GTF2IRD1: variants seen among roughly 807,000 people sequenced by gnomAD.
GTF2IRD1 encodes the protein general transcription factor II-I repeat domain-containing protein 1.
Under a neutral mutation model 113.2 loss-of-function variants are expected in GTF2IRD1, and 26 were observed. The observed-to-expected ratio is 0.23, with a 90% CI of 0.17 to 0.32. The LOEUF (loss-of-function observed/expected upper bound fraction) is 0.32, where lower values mean the gene tolerates loss of function less well. GTF2IRD1 is among the 10% of genes least tolerant of loss of function. The probability of loss-of-function intolerance (pLI) is 1.00; values close to 1 mark genes in which losing one functional copy is unlikely to be tolerated. For missense variants in GTF2IRD1, 864 were observed against 1,280.8 expected, an observed-to-expected ratio of 0.67 and a Z score of 4.97; for synonymous variants, 484 against 529.1, an observed-to-expected ratio of 0.91 and a Z score of 1.17.
intron 22 of GTF2IRD1, chr7:74,572,476 G>A (rs1800752370): frequency 6.2e-6 from 3 of 485,826 alleles, no homozygotes; most frequent in Non-Finnish European, 8.0e-6. Flanking sequence ...GCTTGTCTCT[G>A]ATTTTAGATA....
chr7:74,591,539 G>A (rs1175907540), intron 24 of GTF2IRD1, among the ~76,000 whole-genome samples: 7 of 151,586 alleles, frequency 4.6e-5, no homozygotes, highest in African/African-American at 7.3e-5. Context: ...CCATCACACC[G>A]GCTAATTTTT....
intron 17 of GTF2IRD1, among the ~76,000 whole-genome samples, chr7:74,552,474 C>A (rs1265592885): frequency 6.6e-6 from 1 of 152,120 alleles, no homozygotes; most frequent in Non-Finnish European, 1.5e-5. Flanking sequence ...TGAGATCGCG[C>A]CCCTGCACTC....
At position 74,539,872 on chromosome 7, in the gene GTF2IRD1, T is replaced by C; in HGVS notation, c.1529-7T>C. ...GATACCCGTGTCATTCGGAGTTTTG[T>C]CTTCAGACCCCTCGCCAACCTCTGA... On this transcript the variant is annotated splice_region_variant and splice_polypyrimidine_tract_variant and intron_variant, in intron 13 of 26. Transcript: ENST00000424337. 1.2e-6 allele frequency: 2 copies of C among 1,608,652 alleles called. No individual in the cohort carries two copies. The highest frequency in any genetic ancestry group is 1.1e-5 in the South Asian group (1 of 90,934).
chr7:74,462,974 G>T (rs569011150), intron 1 of GTF2IRD1, among the ~76,000 whole-genome samples: 54 of 152,312 alleles, frequency 3.5e-4, no homozygotes, highest in African/African-American at 1.3e-3. Context: ...AGCTGTCTGT[G>T]CCCTGGGGTG....
intron 1 of GTF2IRD1, among the ~76,000 whole-genome samples, chr7:74,504,638 T>C (rs923985382): frequency 6.6e-6 from 1 of 151,558 alleles, no homozygotes; most frequent in Admixed American, 6.6e-5. Context: ...TTCTTGTCTC[T>C]AAGATAGAGT....
rs146904191 is a variant in GTF2IRD1 at position 74,500,762 on chromosome 7, C to T, written c.-6-7313C>T. 7.9e-3 allele frequency among the ~76,000 whole-genome samples: 1,201 copies of T among 152,188 alleles called. 15 individuals are homozygous for T. The highest frequency in any genetic ancestry group is 0.027 in the African/African-American group (1,141 of 41,530). On this transcript the variant is annotated intron_variant, in intron 1 of 26. Transcript: ENST00000424337. ...TTTTGGAGGCAGGGTCTTGCTCTGT[C>T]GCCCAGGCTGGAGTGCAACGGCATG...
In GTF2IRD1 at chr7:74,512,094, G is replaced by A. The variant is rs548503141; in HGVS notation, c.124-736G>A. 2.6e-5 allele frequency among the ~76,000 whole-genome samples: 4 copies of A among 152,344 alleles called. No individual in the cohort carries two copies. Among genetic ancestry groups the A allele is most frequent in the Admixed American group, 2.6e-4 (4 of 15,296 alleles). ...TGGCCACGCAGAGTGGCTCACGCCT[G>A]TAATCCCAGCACTTTGGGAGGCTGA... On this transcript the variant is annotated intron_variant, in intron 2 of 26. Transcript: ENST00000424337. This position sits in a 1 kb window ranked among gnomAD's most constrained non-coding sequence, Gnocchi z 4.4.
chr7:74,536,314 C>T, intron 11 of GTF2IRD1, 39 bp downstream of exon 11: 1 of 1,284,772 alleles, frequency 7.8e-7, no homozygotes, highest in Non-Finnish European at 1.1e-6. Flanking sequence ...CCGCGGCCAG[C>T]CCTGCTCTGG....
intron 1 of GTF2IRD1, among the ~76,000 whole-genome samples, chr7:74,494,539 G>A (rs1554337441): frequency 6.6e-6 from 1 of 152,176 alleles, no homozygotes; most frequent in Non-Finnish European, 1.5e-5. Context: ...ACATTCTGTT[G>A]GTTCAAAGTG....
At chr7:74,571,936 G>A (rs1296082256) in intron 22 of GTF2IRD1, among the ~76,000 whole-genome samples, 1 of 152,182 alleles carries the variant, frequency 6.6e-6, no homozygotes, top group African/African-American at 2.4e-5. Flanking sequence ...AGAATTGTTT[G>A]AGGCCCATTT....
At position 74,465,911 on chromosome 7, in the gene GTF2IRD1, G is replaced by A. The variant is rs1454434760; in HGVS notation, c.-7+11735G>A. 4.6e-5 allele frequency among the ~76,000 whole-genome samples: 7 copies of A among 152,042 alleles called. No homozygotes were observed. In the East Asian group the frequency reaches 9.7e-4, roughly 21 times the overall value. On this transcript the variant is annotated intron_variant, in intron 1 of 26. Transcript: ENST00000424337. The stretch of plus-strand genomic sequence containing the variant: ...CAGCCTCCCGAGTAGCTGGGATCAC[G>A]GGCGCCCGCCACCATGCCTGGCTAA...
chr7:74,496,646 G>A (rs541484925), intron 1 of GTF2IRD1, among the ~76,000 whole-genome samples: 6 of 150,704 alleles, frequency 4.0e-5, no homozygotes, highest in Non-Finnish European at 8.9e-5. Flanking sequence ...GTATGTGTGC[G>A]TGTGGGTGTG....
chr7:74,459,530 C>T (rs782238568), intron 1 of GTF2IRD1, among the ~76,000 whole-genome samples: 4 of 151,994 alleles, frequency 2.6e-5, no homozygotes, highest in Middle Eastern at 3.2e-3. Context: ...TTATCTTACA[C>T]GGTCTTAGGG....
intron 8 of GTF2IRD1, among the ~76,000 whole-genome samples, chr7:74,526,553 C>T (rs1797606865): frequency 6.6e-6 from 1 of 152,144 alleles, no homozygotes. Context: ...GAGGACATGT[C>T]CTCTGGGATG....
intron 22 of GTF2IRD1, among the ~76,000 whole-genome samples, chr7:74,573,401 CA>C (rs782809767): frequency 0.011 from 1,314 of 122,646 alleles, 9 homozygotes; most frequent in African/African-American, 0.025. Context: ...GACCTTCTCT[CA>C]AAAAAAAAAA....
chr7:74,508,828 G>A (rs1796452427), intron 2 of GTF2IRD1, among the ~76,000 whole-genome samples: 1 of 152,118 alleles, frequency 6.6e-6, no homozygotes, highest in South Asian at 2.1e-4. Context: ...AGGTGACCTG[G>A]GGGATAATGT....
intron 1 of GTF2IRD1, among the ~76,000 whole-genome samples, chr7:74,497,272 T>C (rs890752180): frequency 2.6e-5 from 4 of 152,180 alleles, no homozygotes; most frequent in Non-Finnish European, 5.9e-5. Context: ...ATTTGCATAC[T>C]CATGTTAATA....
At chr7:74,483,272 G>A (rs559122960) in intron 1 of GTF2IRD1, among the ~76,000 whole-genome samples, 2 of 152,248 alleles carry the variant, frequency 1.3e-5, no homozygotes, top group South Asian at 2.1e-4. Context: ...CGGTCACAGT[G>A]GCTCATTCCT....
chr7:74,489,485 G>A (rs1795212644), intron 1 of GTF2IRD1, among the ~76,000 whole-genome samples: 1 of 152,148 alleles, frequency 6.6e-6, no homozygotes, highest in African/African-American at 2.4e-5. Flanking sequence ...TGGGATTACA[G>A]GCATGTACCA....
Sources: gnomAD v4.1 joint callset for allele counts (sites outside exome capture counted in the v4.1 genomes callset) on GRCh38, gnomAD v4.1.1 for gene constraint, Gnocchi (gnomAD v3.1) non-coding constraint, MANE v1.5 for transcripts, NCBI Gene and HGNC (gene_info 2026-07-23, HGNC 2026-07-21) for gene names.